VPS11: variants seen among roughly 807,000 people sequenced by gnomAD.
The protein encoded by VPS11 is vacuolar protein sorting-associated protein 11 homolog.
Under a neutral mutation model 106.8 loss-of-function variants are expected in VPS11, and 51 were observed. That is an observed-to-expected ratio of 0.48 (90% CI 0.38 to 0.60). VPS11 has a LOEUF of 0.60. VPS11 is among the 20% of genes least tolerant of loss of function. The probability of loss-of-function intolerance (pLI) is 0.00; values close to 1 mark genes in which losing one functional copy is unlikely to be tolerated. For missense variants in VPS11, 950 were observed against 1,190.0 expected (o/e 0.80, Z 2.97); for synonymous variants, 453 against 458.7 (o/e 0.99, Z 0.16).
intron 14 of VPS11, 55 bp downstream of exon 14, chr11:119,079,355 G>C (rs939673897): frequency 1.3e-6 from 2 of 1,512,872 alleles, no homozygotes; most frequent in African/African-American, 2.8e-5. Context: ...CCCTTCACAG[G>C]GTATTCATTA....
intron 7 of VPS11, among the ~76,000 whole-genome samples, chr11:119,075,258 C>T (rs1945560816): frequency 6.6e-6 from 1 of 151,400 alleles, no homozygotes; most frequent in East Asian, 1.9e-4. Context: ...CAGAGCAGGA[C>T]TGTCTCAAAA....
At chr11:119,068,441 T>TC (rs2133641867) in intron 1 of VPS11, among the ~76,000 whole-genome samples, 130,244 of 133,600 alleles carry the variant, frequency 0.97, 63,804 homozygotes, top group Middle Eastern at 1. Context: ...CTGGCCTTTT[T>TC]ACCTTTTTTT....
chr11:119,074,063 T>C, intron 7 of VPS11, 112 bp downstream of exon 7: 2 of 1,322,664 alleles, frequency 1.5e-6, no homozygotes, highest in South Asian at 1.7e-5. Flanking sequence ...GGAACTGTTT[T>C]TGTTTTTGGT....
chr11:119,071,514 G>C, intron 4 of VPS11, 82 bp from the exon 5 acceptor site: 8 of 1,536,686 alleles, frequency 5.2e-6, no homozygotes, highest in Non-Finnish European at 7.0e-6. Flanking sequence ...AAAAGAGCCA[G>C]TATGGAGATG....
chr11:119,070,595 G>A, intron 4 of VPS11, 198 bp downstream of exon 4: 1 of 474,002 alleles, frequency 2.1e-6, no homozygotes, highest in Non-Finnish European at 3.4e-6. Context: ...GTAGTAAAAA[G>A]ATGTGAATTT....
At chr11:119,068,489 G>T (rs1219803690) in intron 1 of VPS11, among the ~76,000 whole-genome samples, 1 of 102,164 alleles carries the variant, frequency 9.8e-6, no homozygotes, top group African/African-American at 3.9e-5. Context: ...TTACTCTGTT[G>T]CCCAGGCTGG....
chr11:119,069,051 C>T (rs1262477733), intron 1 of VPS11, 145 bp from the exon 2 acceptor site: 23 of 785,040 alleles, frequency 2.9e-5, no homozygotes, highest in Admixed American at 1.5e-4. Context: ...TGAGTCACCG[C>T]GCCTGGCCTC....
chr11:119,073,889 G>A lies in VPS11; in HGVS notation c.1176G>A (p.Met392Ile). 1 of 1,613,916 alleles carries A rather than the reference G, an allele frequency of 6.2e-7. No homozygotes were observed. The highest frequency in any genetic ancestry group is 8.5e-7 in the Non-Finnish European group (1 of 1,179,864). The change falls in exon 7 of 16, where the codon ATG (methionine) becomes ATA (isoleucine). Residue 392 changes from methionine (M) to isoleucine (I), a missense_variant. This residue lies in a region of VPS11 where 435 missense variants were observed against 630.2 expected (regional missense o/e 0.69). Transcript: ENST00000621676. ...LDSDGLAQIF[M>I]QYGDHLYSKG... Reference sequence around the variant, plus strand: ...GTGATGGGCTGGCCCAGATTTTCATGCAGTATGGAGACCATCTCTACAGCA... The same window carrying A: ...GTGATGGGCTGGCCCAGATTTTCATACAGTATGGAGACCATCTCTACAGCA...
At chr11:119,068,987 G>A (rs1945245304) in intron 1 of VPS11, among the ~76,000 whole-genome samples, 1 of 90,420 alleles carries the variant, frequency 1.1e-5, no homozygotes, top group Non-Finnish European at 2.1e-5. Context: ...CTGACCTCAG[G>A]TGATCCGCAC....
rs782070117 is a variant in VPS11, at chr11:119,078,821, T to C, written c.2090T>C (p.Met697Thr). The part of the protein sequence containing the change: ...KLFQQIMHYH[M>T]QHEQYRQVIS... Reference sequence around the variant, plus strand: ...TTCCAGCAGATCATGCACTACCACATGCAGCACGAGCAGTACCGGCAGGTC... The same window carrying C: ...TTCCAGCAGATCATGCACTACCACACGCAGCACGAGCAGTACCGGCAGGTC... The change falls in exon 13 of 16, where the codon ATG becomes ACG. Residue 697 changes from methionine (M) to threonine (T), a missense_variant. By Grantham distance (81) the Met-to-Thr change is moderately conservative (BLOSUM62 -1). Around this residue, in one of 3 missense-constraint regions of VPS11, gnomAD observed 453 missense variants for 514.6 expected, o/e 0.88. Transcript: ENST00000621676. The C allele has an allele frequency of 6.2e-7, 1 of 1,613,770 alleles. No individual in the cohort carries two copies. Among genetic ancestry groups the C allele is most frequent in the Non-Finnish European group, 8.5e-7 (1 of 1,179,788 alleles).
Position 119,078,606 on chromosome 11 carries a change from G to A in VPS11, c.1965G>A (p.Lys655=). Residue 655 remains lysine (K), a synonymous_variant, in exon 12 of 16, where the codon AAG becomes AAA. Transcript: ENST00000621676. ...KLHAEAISLL[K]SGRFCDVFDK... is the part of the protein sequence containing the mutation. The stretch of plus-strand genomic sequence containing the variant: ...ACGCAGAGGCCATTTCCCTGCTGAA[G>A]AGTGGTCGCTTCTGCGACGTCTTTG... 1 of 1,613,812 alleles carries A rather than the reference G, an allele frequency of 6.2e-7. No homozygotes were observed. Among genetic ancestry groups the A allele is most frequent in the Non-Finnish European group, 8.5e-7 (1 of 1,179,686 alleles).
chr11:119,070,086 G>T, intron 3 of VPS11, 148 bp from the exon 4 acceptor site: 1 of 487,844 alleles, frequency 2.0e-6, no homozygotes, highest in Non-Finnish European at 3.3e-6. Context: ...AAATGTGTCA[G>T]TGAGTACCAA....
In VPS11 at chr11:119,070,285, G is replaced by GGCATA; in HGVS notation, c.528_532dup (p.Lys178IlefsTer14). On this transcript the variant is annotated frameshift_variant, in exon 4 of 16. Transcript: ENST00000621676. LOFTEE classifies it high-confidence loss of function. The stretch of plus-strand genomic sequence containing the variant: ...AACAAAGGAGACATCACCCGGGACC[G>GGCATA]GCATAGCAAGACCCAGATTTTGCAC... 6.2e-7 allele frequency: 1 copy of GGCATA among 1,612,982 alleles called. No homozygotes were observed. Among genetic ancestry groups the GGCATA allele is most frequent in the Non-Finnish European group, 8.5e-7 (1 of 1,179,356 alleles).
rs1945493326 is a variant in VPS11, at chr11:119,073,793, C to T, written c.1087-7C>T. The T allele has an allele frequency of 1.9e-6, 3 of 1,599,914 alleles. No homozygotes were observed. Among genetic ancestry groups the T allele is most frequent in the African/African-American group, 1.3e-5 (1 of 74,680 alleles). On this transcript the variant is annotated splice_polypyrimidine_tract_variant and splice_region_variant and intron_variant, in intron 6 of 15. Transcript: ENST00000621676. ...CTACCAATTTTCTAATCTCTCTTCCCTTCTAGATGCTGTTTAAGAAGAACC... is the reference window on the plus strand; with the variant it reads ...CTACCAATTTTCTAATCTCTCTTCCTTTCTAGATGCTGTTTAAGAAGAACC...
chr11:119,077,299 A>C (rs991056053), intron 8 of VPS11, among the ~76,000 whole-genome samples: 3 of 152,234 alleles, frequency 2.0e-5, no homozygotes, highest in African/African-American at 7.2e-5. Flanking sequence ...GCACTGGGGA[A>C]GTCCTGTCCC....
chr11:119,069,816 T>C (rs1397626032), intron 3 of VPS11, among the ~76,000 whole-genome samples: 1 of 151,860 alleles, frequency 6.6e-6, no homozygotes, highest in Non-Finnish European at 1.5e-5. Flanking sequence ...CTGACCAACA[T>C]GGAGAAACCC....
rs115245779 is a variant in VPS11 at position 119,081,085 on chromosome 11, C to A, written c.2439-7C>A. 449 of 1,612,878 alleles carry A rather than the reference C, an allele frequency of 2.8e-4. 2 individuals are homozygous for A. The African/African-American group carries it at 5.6e-3, about 20-fold the overall frequency. Reference sequence around the variant, plus strand: ...TGCCACTCACTTCTGGTCTTTCTTCCCTGTAGTCCTAAGATTTTCCAAAAG... The same window carrying A: ...TGCCACTCACTTCTGGTCTTTCTTCACTGTAGTCCTAAGATTTTCCAAAAG... On this transcript the variant is annotated splice_polypyrimidine_tract_variant and splice_region_variant and intron_variant, in intron 14 of 15. Coordinates refer to ENST00000621676, the MANE Select transcript of VPS11 (RefSeq NM_021729.6).
Position 119,073,832 on chromosome 11 carries a change from G to T in VPS11, c.1119G>T (p.Ala373=). Residue 373 remains alanine, a synonymous_variant, in exon 7 of 16, where the codon GCG becomes GCT. Coordinates refer to ENST00000621676, the MANE Select transcript of VPS11 (RefSeq NM_021729.6). The part of the protein sequence containing the change: ...MLFKKNLFEM[A]INLAKSQHLD... ...TTAAGAAGAACCTATTTGAGATGGC[G>T]ATTAACCTTGCCAAGAGCCAGCATC... The T allele has an allele frequency of 6.2e-7, 1 of 1,613,038 alleles. No individual in the cohort carries two copies. The highest frequency in any genetic ancestry group is 1.1e-5 in the South Asian group (1 of 91,056).
chr11:119,068,167 C>G, intron 1 of VPS11, 157 bp downstream of exon 1: 1 of 866,240 alleles, frequency 1.2e-6, no homozygotes, highest in Non-Finnish European at 1.7e-6. Context: ...AGAAGGAAGT[C>G]CATCTCCTAA....
Sources: gnomAD v4.1 joint callset for allele counts (sites outside exome capture counted in the v4.1 genomes callset) on GRCh38, gnomAD v4.1.1 for gene constraint, gnomAD v4.1.1 regional missense constraint, MANE v1.5 for transcripts, NCBI Gene and HGNC (gene_info 2026-07-23, HGNC 2026-07-21) for gene names.